Variants in SPMAP2L observed in about 807,000 individuals in gnomAD.
SPMAP2L encodes the protein sperm microtubule associated protein 2 like.
the SPMAP2L span, among the ~76,000 whole-genome samples, chr4:56,560,245 C>T: frequency 2.0e-5 from 3 of 152,102 alleles, no homozygotes; most frequent in South Asian, 2.1e-4. Context: ...TCACCTGTTG[C>T]GACTCCTGCC....
chr4:56,607,021 A>G, the SPMAP2L span, among the ~76,000 whole-genome samples: 1 of 152,090 alleles, frequency 6.6e-6, no homozygotes, highest in Non-Finnish European at 1.5e-5. Context: ...TGGGTTATAT[A>G]TGGGGAGTGG....
the SPMAP2L span, chr4:56,559,586 G>T: frequency 7.1e-7 from 1 of 1,400,526 alleles, no homozygotes; most frequent in South Asian, 1.5e-5. Context: ...TTTGCTTTTT[G>T]AGACAGAGTC....
chr4:56,591,215 T>A, the SPMAP2L span, among the ~76,000 whole-genome samples: 2 of 152,124 alleles, frequency 1.3e-5, no homozygotes, highest in African/African-American at 2.4e-5. Flanking sequence ...TTGTTAAAAG[T>A]GTGTAGCACC....
the SPMAP2L span, among the ~76,000 whole-genome samples, chr4:56,616,697 C>T: frequency 6.6e-6 from 1 of 152,184 alleles, no homozygotes; most frequent in Non-Finnish European, 1.5e-5. Flanking sequence ...GGACTTTTCA[C>T]ACAAGAAGCA....
At chr4:56,547,953 T>C in the SPMAP2L span, among the ~76,000 whole-genome samples, 11 of 152,236 alleles carry the variant, frequency 7.2e-5, no homozygotes, top group African/African-American at 2.2e-4. Context: ...ACAATGAAGA[T>C]TTTTCTGCAT....
chr4:56,561,197 AT>A, the SPMAP2L span, among the ~76,000 whole-genome samples: 1 of 152,152 alleles, frequency 6.6e-6, no homozygotes, highest in Non-Finnish European at 1.5e-5. Context: ...AGATCACTTC[AT>A]TTTTTTGAAC....
At chr4:56,593,018 C>T in the SPMAP2L span, 3 of 1,596,938 alleles carry the variant, frequency 1.9e-6, no homozygotes, top group South Asian at 2.2e-5. Context: ...TGCAACTCTG[C>T]ATGCCATTTC....
At chr4:56,578,800 A>G in the SPMAP2L span, among the ~76,000 whole-genome samples, 2 of 152,012 alleles carry the variant, frequency 1.3e-5, no homozygotes, top group African/African-American at 2.4e-5. Context: ...AAGACATACA[A>G]TTATGGCTGG....
chr4:56,548,651 T>C, the SPMAP2L span: 1 of 462,736 alleles, frequency 2.2e-6, no homozygotes, highest in Non-Finnish European at 3.7e-6. Context: ...TTTTGGTACA[T>C]ACTATGATAT....
At chr4:56,579,105 A>G in the SPMAP2L span, among the ~76,000 whole-genome samples, 5 of 152,034 alleles carry the variant, frequency 3.3e-5, no homozygotes, top group African/African-American at 1.2e-4. Flanking sequence ...ACTAGAAACC[A>G]ACTATATCTA....
the SPMAP2L span, among the ~76,000 whole-genome samples, chr4:56,592,246 C>T: frequency 6.6e-6 from 1 of 152,134 alleles, no homozygotes; most frequent in Admixed American, 6.5e-5. Flanking sequence ...ATCCTTTTCC[C>T]AACACTGCCC....
chr4:56,553,180 CTTTTTTTTTTT>C, the SPMAP2L span, among the ~76,000 whole-genome samples: 7 of 29,990 alleles, frequency 2.3e-4, no homozygotes, highest in African/African-American at 5.2e-4. Context: ...TCTCCTATTG[CTTTTTTTTTTT>C]TTTTTTTTTT....
At chr4:56,571,137 A>AC in the SPMAP2L span, among the ~76,000 whole-genome samples, 26 of 151,374 alleles carry the variant, frequency 1.7e-4, no homozygotes, top group African/African-American at 5.8e-4. Flanking sequence ...TAAAAAAAAA[A>AC]ACAAAAAACC....
At chr4:56,553,607 A>G in the SPMAP2L span, among the ~76,000 whole-genome samples, 80 of 151,132 alleles carry the variant, frequency 5.3e-4, no homozygotes, top group African/African-American at 1.8e-3. Flanking sequence ...CCCTCCCCTT[A>G]GTTTTTCCTA....
chr4:56,531,137 C>G, the SPMAP2L span: 1 of 1,534,650 alleles, frequency 6.5e-7, no homozygotes. Flanking sequence ...ATCACCAGAG[C>G]CCCGCCACGG....
At chr4:56,552,927 G>C in the SPMAP2L span, among the ~76,000 whole-genome samples, 2 of 152,078 alleles carry the variant, frequency 1.3e-5, no homozygotes, top group Non-Finnish European at 2.9e-5. Flanking sequence ...ACAGACTTGA[G>C]AACCACTGCT....
the SPMAP2L span, chr4:56,601,135 GACAGGA>G: frequency 6.6e-7 from 1 of 1,525,198 alleles, no homozygotes; most frequent in Admixed American, 2.0e-5. Context: ...GCTAAAGTGG[GACAGGA>G]AAGGCTGGGG....
chr4:56,594,200 A>T, the SPMAP2L span: 3 of 1,613,032 alleles, frequency 1.9e-6, no homozygotes, highest in Non-Finnish European at 2.5e-6. Flanking sequence ...TGTGTTCAAG[A>T]GGACCAGCCC....
At chr4:56,545,607 G>A in the SPMAP2L span, among the ~76,000 whole-genome samples, 1 of 151,226 alleles carries the variant, frequency 6.6e-6, no homozygotes, top group Non-Finnish European at 1.5e-5. Context: ...TGTAGTCCCA[G>A]CTACTCGGGA....
Sources: gnomAD v4.1 joint callset for allele counts (sites outside exome capture counted in the v4.1 genomes callset) on GRCh38, gnomAD v4.1.1 for gene constraint, MANE v1.5 for transcripts, NCBI Gene and HGNC (gene_info 2026-07-23, HGNC 2026-07-21) for gene names.